PAK5: variants seen among roughly 807,000 people sequenced by gnomAD.
The protein encoded by PAK5 is serine/threonine-protein kinase PAK 5.
In PAK5, 16 loss-of-function variants were observed where a neutral mutation model predicts 65.9. That is an observed-to-expected ratio of 0.24 (90% CI 0.16 to 0.37). The LOEUF is 0.37. Ranked by LOEUF, PAK5 falls within the 10% of genes least tolerant of loss-of-function variation. PAK5 has a pLI of 1.00. For synonymous variants in PAK5, 371 were observed against 354.9 expected (o/e 1.05, Z -0.51); for missense variants, 785 against 903.9 (o/e 0.87, Z 1.69).
chr20:9,574,577 G>A (rs2045852353), intron 4 of PAK5, among the ~76,000 whole-genome samples: 1 of 152,134 alleles, frequency 6.6e-6, no homozygotes, highest in Non-Finnish European at 1.5e-5. Context: ...GACAATGCCA[G>A]GTTAAATTCA....
At chr20:9,823,798 T>G (rs1011640314) in intron 1 of PAK5, among the ~76,000 whole-genome samples, 1 of 147,760 alleles carries the variant, frequency 6.8e-6, no homozygotes, top group Non-Finnish European at 1.5e-5. Context: ...CTCGAATCCT[T>G]GCCTCAAGGT....
chr20:9,684,472 A>C (rs2047691585), intron 2 of PAK5, among the ~76,000 whole-genome samples: 1 of 152,234 alleles, frequency 6.6e-6, no homozygotes, highest in Non-Finnish European at 1.5e-5. Context: ...GCAGTATTCA[A>C]GGTTTAGAAA....
intron 1 of PAK5, among the ~76,000 whole-genome samples, chr20:9,768,582 C>T (rs1490698014): frequency 1.3e-5 from 2 of 151,968 alleles, no homozygotes; most frequent in Non-Finnish European, 2.9e-5. Flanking sequence ...GAGGAGTTCT[C>T]AACCAGCCTG....
Position 9,539,335 on chromosome 20 carries a change from A to G in PAK5, c.*127T>C. The G allele has an allele frequency of 1.2e-6, 1 of 862,992 alleles. No homozygotes were observed. The highest frequency in any genetic ancestry group is 1.6e-5 in the South Asian group (1 of 61,280). 53.5% of individuals were successfully genotyped at this position (862,992 alleles called of 1,614,324 possible). A position where few individuals can be genotyped will look rare whatever the true frequency, so the allele number is the denominator to read the frequency against. On this transcript the variant is annotated 3_prime_UTR_variant, in exon 10 of 10. Transcript: ENST00000353224. ...CCTGGTCTGTTGAACCCTGCCGGTC[A>G]TCACGCTGTCCCACCAATTGGCTGG...
At position 9,591,136 on chromosome 20, in the gene PAK5, C is replaced by A. The variant is rs573108231; in HGVS notation, c.205-10206G>T. 3.9e-5 allele frequency among the ~76,000 whole-genome samples: 6 copies of A among 152,214 alleles called. No individual in the cohort carries two copies. In the South Asian group the frequency reaches 1.2e-3, roughly 32 times the overall value. ...AAGTATTTTTCCAATATATAATAAT[C>A]ATAATATGACTCCAAGGTATGGCAT... On this transcript the variant is annotated intron_variant, in intron 3 of 9. Transcript: ENST00000353224.
At chr20:9,621,026 C>T (rs1225135708) in intron 3 of PAK5, among the ~76,000 whole-genome samples, 1 of 151,500 alleles carries the variant, frequency 6.6e-6, no homozygotes, top group Non-Finnish European at 1.5e-5. Flanking sequence ...CCCAACAAAA[C>T]AGAGCTACCG....
intron 2 of PAK5, among the ~76,000 whole-genome samples, chr20:9,685,964 A>G (rs747239196): frequency 6.6e-6 from 1 of 152,224 alleles, no homozygotes; most frequent in African/African-American, 2.4e-5. Flanking sequence ...AAGTGTTGCT[A>G]CATGCAATGA....
chr20:9,635,539 G>A (rs73240960), intron 3 of PAK5, among the ~76,000 whole-genome samples: 5 of 151,730 alleles, frequency 3.3e-5, no homozygotes, highest in Non-Finnish European at 5.9e-5. Context: ...GCTTGTTCCT[G>A]CCACAGGGTC....
chr20:9,652,134 C>A (rs1185227898), intron 2 of PAK5, among the ~76,000 whole-genome samples: 1 of 152,240 alleles, frequency 6.6e-6, no homozygotes, highest in South Asian at 2.1e-4. Flanking sequence ...TTTAGAAATA[C>A]CTACCTGTGT....
intron 2 of PAK5, among the ~76,000 whole-genome samples, chr20:9,660,550 GC>G (rs2047331274): frequency 6.6e-6 from 1 of 151,888 alleles, no homozygotes; most frequent in African/African-American, 2.4e-5. Context: ...AGATGATAAG[GC>G]CCGTGAGAAA....
intron 1 of PAK5, among the ~76,000 whole-genome samples, chr20:9,820,328 T>C (rs1305170142): frequency 6.6e-6 from 1 of 152,258 alleles, no homozygotes; most frequent in Non-Finnish European, 1.5e-5. Flanking sequence ...TTCCCCTATA[T>C]GCAGAAGGCC....
chr20:9,574,111 G>A (rs1568972962), intron 4 of PAK5, among the ~76,000 whole-genome samples: 1 of 152,132 alleles, frequency 6.6e-6, no homozygotes, highest in Non-Finnish European at 1.5e-5. Context: ...TAAGAATTCT[G>A]GAGAGAATCA....
intron 2 of PAK5, among the ~76,000 whole-genome samples, chr20:9,654,523 C>T (rs969861031): frequency 4.6e-5 from 7 of 152,204 alleles, no homozygotes; most frequent in African/African-American, 1.7e-4. Flanking sequence ...AATTATCTAG[C>T]TCAGTTTCCC....
chr20:9,824,075 C>G (rs1160556447), intron 1 of PAK5, among the ~76,000 whole-genome samples: 5 of 152,194 alleles, frequency 3.3e-5, no homozygotes, highest in Non-Finnish European at 7.3e-5. Flanking sequence ...GTTCAAAGAA[C>G]TTGATTACTG....
chr20:9,684,997 T>C (rs1308161794), intron 2 of PAK5, among the ~76,000 whole-genome samples: 4 of 152,216 alleles, frequency 2.6e-5, no homozygotes, highest in Non-Finnish European at 5.9e-5. Flanking sequence ...CTCAGGACTA[T>C]AAATGCACTC....
rs537158297 is a variant in PAK5, at chr20:9,703,779, C to T, written c.-12+7507G>A. 5.8e-4 allele frequency among the ~76,000 whole-genome samples: 89 copies of T among 152,138 alleles called. 5 individuals carry two copies. Among genetic ancestry groups the T allele is most frequent in the Non-Finnish European group, 2.2e-4 (15 of 68,010 alleles). ...TCCACTCTAATACAAGGTCCACTCCCGGGTGGGTTTCAAGGTACTTCAATT... is the reference window on the plus strand; with the variant it reads ...TCCACTCTAATACAAGGTCCACTCCTGGGTGGGTTTCAAGGTACTTCAATT... On this transcript the variant is annotated intron_variant, in intron 2 of 9. Coordinates refer to ENST00000353224, the MANE Select transcript of PAK5 (RefSeq NM_177990.4).
At chr20:9,646,288 T>C (rs916641837) in intron 2 of PAK5, among the ~76,000 whole-genome samples, 2 of 152,102 alleles carry the variant, frequency 1.3e-5, no homozygotes, top group African/African-American at 4.8e-5. Context: ...ACATAAATAT[T>C]CTCTCAGCAA....
At position 9,580,145 on chromosome 20, in the gene PAK5, C is replaced by T; in HGVS notation, c.990G>A (p.Lys330=). 6.2e-7 allele frequency: 1 copy of T among 1,607,388 alleles called. No homozygotes were observed. The highest frequency in any genetic ancestry group is 8.5e-7 in the Non-Finnish European group (1 of 1,175,528). Residue 330 remains lysine (K), a splice_region_variant and synonymous_variant, in exon 4 of 10, where the codon AAG becomes AAA. Coordinates refer to ENST00000353224, the MANE Select transcript of PAK5 (RefSeq NM_177990.4). ...AGGGAAAGGAGGTAGCAAACGTTAC[C>T]TTTGGAATGCACATTGTGGGCTCGG... The part of the protein sequence containing the change: ...RLSEPTMCIP[K]VDYDRAQMVL...
intron 3 of PAK5, among the ~76,000 whole-genome samples, chr20:9,601,504 A>G (rs909538712): frequency 6.6e-6 from 1 of 152,162 alleles, no homozygotes; most frequent in African/African-American, 2.4e-5. Context: ...CAAATCAGAA[A>G]GAAGAAGTTA....
Sources: gnomAD v4.1 joint callset for allele counts (sites outside exome capture counted in the v4.1 genomes callset) on GRCh38, gnomAD v4.1.1 for gene constraint, MANE v1.5 for transcripts, NCBI Gene and HGNC (gene_info 2026-07-23, HGNC 2026-07-21) for gene names.